Variants in IL4R observed in about 807,000 individuals in gnomAD.
The protein encoded by IL4R is interleukin 4 receptor.
Under a neutral mutation model 41.5 loss-of-function variants are expected in IL4R, and 17 were observed. The observed-to-expected ratio is 0.41, with a 90% CI of 0.28 to 0.61. IL4R has a LOEUF of 0.61. Ranked by LOEUF, IL4R falls within the 20% of genes least tolerant of loss-of-function variation. IL4R has a pLI of 0.31. For missense variants in IL4R, 974 were observed against 1,043.1 expected (o/e 0.93, Z 0.91); for synonymous variants, 402 against 422.9 (o/e 0.95, Z 0.61).
At chr16:27,323,448 C>G (rs944192260) in intron 1 of IL4R, among the ~76,000 whole-genome samples, 1 of 152,166 alleles carries the variant, frequency 6.6e-6, no homozygotes, top group Non-Finnish European at 1.5e-5. Context: ...TTTATGACTG[C>G]TTCTGTGCCA....
In IL4R at chr16:27,340,189, C is replaced by T; in HGVS notation, c.-15C>T. ...CCTGCTTCCTCTCTCTCTGCAGGTG[C>T]CTTGGCATCTCCCAATGGGGTGGCT... On this transcript the variant is annotated 5_prime_UTR_variant, in exon 3 of 11. Coordinates refer to ENST00000395762, the MANE Select transcript of IL4R (RefSeq NM_000418.4). The T allele has an allele frequency of 6.2e-7, 1 of 1,611,846 alleles. No individual in the cohort carries two copies. Among genetic ancestry groups the T allele is most frequent in the South Asian group, 1.1e-5 (1 of 90,616 alleles).
intron 1 of IL4R, among the ~76,000 whole-genome samples, chr16:27,322,895 G>A (rs532831326): frequency 1.3e-5 from 2 of 152,164 alleles, no homozygotes; most frequent in Non-Finnish European, 2.9e-5. Context: ...CAGATGAGGA[G>A]ACTGAGGCTC....
intron 2 of IL4R, among the ~76,000 whole-genome samples, chr16:27,339,812 A>C (rs1489019300): frequency 2.0e-5 from 3 of 152,006 alleles, no homozygotes; most frequent in East Asian, 1.9e-4. Context: ...TAATCCCAGC[A>C]CTTCGAGAAG....
At chr16:27,349,134 A>T (rs1368066645) in intron 6 of IL4R, among the ~76,000 whole-genome samples, 1 of 152,222 alleles carries the variant, frequency 6.6e-6, no homozygotes, top group Admixed American at 6.5e-5. Flanking sequence ...GCTTGGCCAC[A>T]TGCTCCCCTC....
At chr16:27,347,555 A>C (rs535624508) in intron 6 of IL4R, among the ~76,000 whole-genome samples, 1 of 152,312 alleles carries the variant, frequency 6.6e-6, no homozygotes, top group Admixed American at 6.5e-5. Context: ...TTTACAGGAA[A>C]CTATCAGGTC....
chr16:27,321,502 C>T (rs777071819), intron 1 of IL4R, among the ~76,000 whole-genome samples: 72 of 152,322 alleles, frequency 4.7e-4, no homozygotes, highest in Non-Finnish European at 8.7e-4. Flanking sequence ...AGAGCTTATA[C>T]TTCTGTTGAT....
At chr16:27,357,695 C>T (rs765106485) in intron 8 of IL4R, among the ~76,000 whole-genome samples, 3 of 152,050 alleles carry the variant, frequency 2.0e-5, no homozygotes, top group Non-Finnish European at 4.4e-5. Flanking sequence ...AACTCCTGAC[C>T]TCAAGTGATC....
chr16:27,342,342 G>A (rs1460798641), intron 4 of IL4R, 83 bp downstream of exon 4: 15 of 1,530,150 alleles, frequency 9.8e-6, no homozygotes, highest in South Asian at 3.5e-5. Context: ...CAGGTGGTGC[G>A]CTGGAGTGCA....
At chr16:27,321,493 G>A (rs1346980202) in intron 1 of IL4R, among the ~76,000 whole-genome samples, 1 of 152,184 alleles carries the variant, frequency 6.6e-6, no homozygotes, top group Non-Finnish European at 1.5e-5. Flanking sequence ...CTTGGATCTA[G>A]AGCTTATACT....
chr16:27,347,791 A>T (rs568312264), intron 6 of IL4R, among the ~76,000 whole-genome samples: 1 of 152,338 alleles, frequency 6.6e-6, no homozygotes, highest in East Asian at 1.9e-4. Context: ...GGCATATCCC[A>T]TAACCTCTTT....
Position 27,363,725 on chromosome 16 carries a change from C to G in IL4R, c.2373C>G (p.Ser791=). 6.8e-6 allele frequency: 11 copies of G among 1,613,762 alleles called. No individual in the cohort carries two copies. Among genetic ancestry groups the G allele is most frequent in the Non-Finnish European group, 9.3e-6 (11 of 1,180,020 alleles). ...CGGGCATCTCAGAGAAGAGTAAATC[C>G]TCATCATCCTTCCATCCTGCCCCTG... ...APSGISEKSK[S]SSSFHPAPGN... The change falls in exon 11 of 11, where the codon TCC becomes TCG. Residue 791 remains serine (S), a synonymous_variant. Transcript: ENST00000395762.
rs142112096 is a variant in IL4R at position 27,328,652 on chromosome 16, G to C, written c.-151-1414G>C. 7.2e-5 allele frequency among the ~76,000 whole-genome samples: 11 copies of C among 152,328 alleles called. No homozygotes were observed. The East Asian group carries it at 2.1e-3, about 29-fold the overall frequency. On this transcript the variant is annotated intron_variant, in intron 1 of 10. Coordinates refer to ENST00000395762, the MANE Select transcript of IL4R (RefSeq NM_000418.4). ...TGGGGATAAAGCAGTGAGCACAGCA[G>C]ACATAAAGCTCTGCCCTCATGGGGC...
intron 1 of IL4R, among the ~76,000 whole-genome samples, chr16:27,328,518 C>T (rs2085026605): frequency 6.6e-6 from 1 of 152,112 alleles, no homozygotes; most frequent in African/African-American, 2.4e-5. Context: ...GGATTACAGG[C>T]GTGAGCCACT....
chr16:27,347,831 G>A (rs531051392), intron 6 of IL4R, among the ~76,000 whole-genome samples: 2 of 152,378 alleles, frequency 1.3e-5, no homozygotes, highest in East Asian at 3.9e-4. Context: ...TGTAACACAG[G>A]AGTGACAAGA....
intron 6 of IL4R, 111 bp downstream of exon 6, chr16:27,346,729 G>A (rs1211947295): frequency 2.5e-6 from 3 of 1,195,838 alleles, no homozygotes; most frequent in South Asian, 2.6e-5. Context: ...CCTGGGGCTG[G>A]ATAGCAAATC....
intron 1 of IL4R, among the ~76,000 whole-genome samples, chr16:27,314,874 G>A (rs912865200): frequency 2.6e-5 from 4 of 152,288 alleles, no homozygotes; most frequent in African/African-American, 4.8e-5. Flanking sequence ...ATTTTATAAA[G>A]ATGGTGTCTC....
At position 27,344,994 on chromosome 16, in the gene IL4R, A is replaced by G; in HGVS notation, c.335A>G (p.Lys112Arg). The G allele has an allele frequency of 1.3e-6, 2 of 1,553,930 alleles. No individual in the cohort carries two copies. The highest frequency in any genetic ancestry group is 8.8e-7 in the Non-Finnish European group (1 of 1,142,364). Residue 112 changes from lysine to arginine, a missense_variant, in exon 5 of 11, where the codon AAG (lysine) becomes AGG (arginine). Physicochemically the swap from Lys to Arg is conservative, Grantham distance 26. Around this residue, in one of 3 missense-constraint regions of IL4R, gnomAD observed 284 missense variants for 313.4 expected, o/e 0.91. Transcript: ENST00000395762. ...DLWAGQQLLW[K>R]GSFKPSEHVK... The stretch of plus-strand genomic sequence containing the variant: ...TGGGCTGGGCAGCAGCTGCTGTGGA[A>G]GGGCTCCTTCAAGCCCAGCGAGCAT...
At chr16:27,320,152 C>T (rs761833170) in intron 1 of IL4R, among the ~76,000 whole-genome samples, 2 of 152,194 alleles carry the variant, frequency 1.3e-5, no homozygotes, top group Non-Finnish European at 2.9e-5. Context: ...CAGGCATGAG[C>T]CACTGCACGC....
chr16:27,352,275 A>G (rs1230523648), intron 6 of IL4R, among the ~76,000 whole-genome samples: 1 of 152,212 alleles, frequency 6.6e-6, no homozygotes, highest in Admixed American at 6.5e-5. Context: ...TACAGATGAG[A>G]TTGAATTATC....
Sources: allele counts gnomAD v4.1 joint callset (sites outside exome capture counted in the v4.1 genomes callset), GRCh38; gene constraint gnomAD v4.1.1; regional missense constraint gnomAD v4.1.1; transcripts MANE v1.5; gene names NCBI Gene and HGNC (gene_info 2026-07-23, HGNC 2026-07-21).